ANKRD6: variants seen among roughly 807,000 people sequenced by gnomAD.
ANKRD6 encodes ankyrin repeat domain 6.
Under a neutral mutation model 82.3 loss-of-function variants are expected in ANKRD6, and 56 were observed. The ratio of observed to expected loss-of-function variants is 0.68; its 90% CI spans 0.55 to 0.85. ANKRD6 has a LOEUF of 0.85. Ranked by LOEUF, ANKRD6 falls within the 40% of genes least tolerant of loss-of-function variation. The pLI is 0.00. For synonymous variants in ANKRD6, 347 were observed against 352.1 expected (o/e 0.99, Z 0.16); for missense variants, 852 against 907.6 (o/e 0.94, Z 0.79).
At chr6:89,558,384 A>C (rs772439000) in intron 1 of ANKRD6, among the ~76,000 whole-genome samples, 2 of 152,220 alleles carry the variant, frequency 1.3e-5, no homozygotes, top group Non-Finnish European at 2.9e-5. Flanking sequence ...ATACAATGGA[A>C]TATTATTCAG....
chr6:89,449,819 GA>G (rs1398166695), intron 1 of ANKRD6, among the ~76,000 whole-genome samples: 2 of 151,976 alleles, frequency 1.3e-5, no homozygotes, highest in Admixed American at 6.6e-5. Flanking sequence ...TCTAACTCCC[GA>G]AAAAATTTAA....
At chr6:89,553,129 AGT>A (rs1316002830) in intron 1 of ANKRD6, among the ~76,000 whole-genome samples, 3 of 152,238 alleles carry the variant, frequency 2.0e-5, no homozygotes, top group Middle Eastern at 3.2e-3. Flanking sequence ...AGGGAAGAGC[AGT>A]GTGTGTCATA....
intron 7 of ANKRD6, among the ~76,000 whole-genome samples, chr6:89,615,306 G>C (rs77346201): frequency 0.087 from 13,293 of 152,188 alleles, 857 homozygotes; most frequent in African/African-American, 0.17. Context: ...GAACCTCTGG[G>C]GGTGAGGTCC....
At chr6:89,449,097 C>T (rs1005358392) in intron 1 of ANKRD6, among the ~76,000 whole-genome samples, 2 of 151,170 alleles carry the variant, frequency 1.3e-5, no homozygotes, top group Admixed American at 6.6e-5. Flanking sequence ...AGTGATTCCT[C>T]TGATGGATCT....
intron 1 of ANKRD6, among the ~76,000 whole-genome samples, chr6:89,544,707 C>G (rs1329471074): frequency 6.6e-6 from 1 of 151,898 alleles, no homozygotes; most frequent in African/African-American, 2.4e-5. Flanking sequence ...GAGTGAGATT[C>G]TATGTCCAAA....
At chr6:89,616,287 C>A (rs1801559274) in intron 7 of ANKRD6, 2 of 440,272 alleles carry the variant, frequency 4.5e-6, no homozygotes, top group Non-Finnish European at 8.2e-6. Flanking sequence ...TTCTCAACAA[C>A]CCAGGCCAGC....
chr6:89,583,500 A>G (rs891292234), intron 2 of ANKRD6, among the ~76,000 whole-genome samples: 1 of 152,202 alleles, frequency 6.6e-6, no homozygotes, highest in African/African-American at 2.4e-5. Flanking sequence ...GTTTCTAGCA[A>G]AGGTAGGTAG....
At chr6:89,553,575 A>G (rs1786156158) in intron 1 of ANKRD6, among the ~76,000 whole-genome samples, 2 of 152,326 alleles carry the variant, frequency 1.3e-5, no homozygotes, top group Non-Finnish European at 2.9e-5. Context: ...CTAGCAGAGC[A>G]GCTTCCTGGT....
Position 89,623,533 on chromosome 6 carries a change from TCAAGGCC to T in ANKRD6, c.1027_1032+1del. ...AGCAAAGGATGACAGGAGGAGAAAG[TCAAGGCC>T]CAAGGTCAGGAGACACAGAAAGCAG... On this transcript the variant is annotated frameshift_variant, in exon 11 of 16. Coordinates refer to ENST00000339746, the MANE Select transcript of ANKRD6 (RefSeq NM_001242809.2). LOFTEE classifies it high-confidence loss of function. 1 of 1,583,656 alleles carries T rather than the reference TCAAGGCC, an allele frequency of 6.3e-7. No homozygotes were observed. The highest frequency in any genetic ancestry group is 8.6e-7 in the Non-Finnish European group (1 of 1,164,946).
chr6:89,440,213 A>G (rs983801892), intron 1 of ANKRD6, among the ~76,000 whole-genome samples: 1 of 152,190 alleles, frequency 6.6e-6, no homozygotes, highest in Non-Finnish European at 1.5e-5. Context: ...TCTCAAAAAG[A>G]TTTCTTAGAA....
intron 1 of ANKRD6, among the ~76,000 whole-genome samples, chr6:89,530,409 G>T (rs1327684590): frequency 6.6e-6 from 1 of 151,934 alleles, no homozygotes; most frequent in Non-Finnish European, 1.5e-5. Context: ...AAAAAAAAGT[G>T]AAGCACAACA....
chr6:89,508,683 C>T (rs1393274578), intron 1 of ANKRD6, among the ~76,000 whole-genome samples: 1 of 152,114 alleles, frequency 6.6e-6, no homozygotes, highest in Admixed American at 6.5e-5. Flanking sequence ...ATTTATTTTC[C>T]TGGTTACCTA....
chr6:89,510,553 C>A (rs2127936813), intron 1 of ANKRD6, among the ~76,000 whole-genome samples: 1 of 152,106 alleles, frequency 6.6e-6, no homozygotes, highest in Non-Finnish European at 1.5e-5. Context: ...GTTCACATAC[C>A]ATAAAATTTA....
intron 5 of ANKRD6, among the ~76,000 whole-genome samples, chr6:89,610,921 C>T (rs1284164989): frequency 6.6e-6 from 1 of 152,034 alleles, no homozygotes; most frequent in African/African-American, 2.4e-5. Context: ...TGCTGGATAC[C>T]CATCCCCAAG....
intron 1 of ANKRD6, among the ~76,000 whole-genome samples, chr6:89,487,839 T>C (rs1777542274): frequency 6.6e-6 from 1 of 152,212 alleles, no homozygotes; most frequent in Non-Finnish European, 1.5e-5. Flanking sequence ...AGAAAAAAAA[T>C]GATCTTTGGT....
intron 1 of ANKRD6, among the ~76,000 whole-genome samples, chr6:89,500,153 G>A (rs1308171244): frequency 6.6e-6 from 1 of 151,728 alleles, no homozygotes; most frequent in Non-Finnish European, 1.5e-5. Flanking sequence ...GCTTCTAGAG[G>A]AAGGAAGCAG....
intron 1 of ANKRD6, among the ~76,000 whole-genome samples, chr6:89,444,562 A>G (rs1771826197): frequency 6.6e-6 from 1 of 152,240 alleles, no homozygotes. Context: ...TTGAAATATA[A>G]GTAAACATTT....
At position 89,623,441 on chromosome 6, in the gene ANKRD6, G is replaced by A. The variant is rs1481382147; in HGVS notation, c.929G>A (p.Ser310Asn). 2 of 1,611,698 alleles carry A rather than the reference G, an allele frequency of 1.2e-6. No homozygotes were observed. The highest frequency in any genetic ancestry group is 1.7e-6 in the Non-Finnish European group (2 of 1,178,980). Reference sequence around the variant, plus strand: ...GTCTCAGCAGGAGACACCCCCAGCAGTGAACAGGCTGTGGCCAGAAAAGAA... The same window carrying A: ...GTCTCAGCAGGAGACACCCCCAGCAATGAACAGGCTGTGGCCAGAAAAGAA... Reference protein sequence around the residue: ...GSVSAGDTPSSEQAVARKEEA... With the variant: ...GSVSAGDTPSNEQAVARKEEA... Residue 310 changes from serine to asparagine, a missense_variant, in exon 11 of 16, where the codon AGT becomes AAT. Ser to Asn is a conservative substitution (Grantham distance 46). Coordinates refer to ENST00000339746, the MANE Select transcript of ANKRD6 (RefSeq NM_001242809.2).
intron 1 of ANKRD6, among the ~76,000 whole-genome samples, chr6:89,508,277 T>G (rs1166981308): frequency 6.6e-6 from 1 of 152,214 alleles, no homozygotes; most frequent in Non-Finnish European, 1.5e-5. Flanking sequence ...TTCTGTGCTT[T>G]GATTGAGCCT....
Sources: allele counts gnomAD v4.1 joint callset (sites outside exome capture counted in the v4.1 genomes callset), GRCh38; gene constraint gnomAD v4.1.1; transcripts MANE v1.5; gene names NCBI Gene and HGNC (gene_info 2026-07-23, HGNC 2026-07-21).